The following PRKCZ variants were observed in gnomAD, a reference collection of about 807,000 sequenced individuals.
PRKCZ encodes the protein protein kinase C zeta type.
In PRKCZ, 33 loss-of-function variants were observed where a neutral mutation model predicts 79.5. The ratio of observed to expected loss-of-function variants is 0.41; its 90% confidence interval spans 0.31 to 0.55. The LOEUF (loss-of-function observed/expected upper bound fraction) is 0.55, where lower values mean the gene tolerates loss of function less well. Ranked by LOEUF, PRKCZ falls within the 20% of genes least tolerant of loss-of-function variation. PRKCZ has a pLI of 0.19. For synonymous variants in PRKCZ, 342 were observed against 320.9 expected (o/e 1.07, Z -0.70); for missense variants, 578 against 813.5 (o/e 0.71, Z 3.52).
At chr1:2,103,618 G>A (rs965731473) in intron 4 of PRKCZ, among the ~76,000 whole-genome samples, 1 of 152,218 alleles carries the variant, frequency 6.6e-6, no homozygotes, top group African/African-American at 2.4e-5. Flanking sequence ...ACGGTGGCGC[G>A]TGTCTGTAGG....
At chr1:2,130,392 C>T (rs1674724352) in intron 4 of PRKCZ, among the ~76,000 whole-genome samples, 1 of 152,114 alleles carries the variant, frequency 6.6e-6, no homozygotes, top group African/African-American at 2.4e-5. Flanking sequence ...GCCAGGGGCT[C>T]CTGGCGTGCC....
Position 2,173,873 on chromosome 1 carries a change from T to C in PRKCZ, c.1286-24T>C. On this transcript the variant is annotated intron_variant, in intron 13 of 17. Transcript: ENST00000378567. The surrounding 1 kb of genome is among the most constrained non-coding windows in gnomAD (Gnocchi z 5.7). ...TGCCGGCCCATGTGGCCCCACTCGG[T>C]GATGGCTGTGTGCTCTCCCCCAGGG... is the stretch of plus-strand genomic sequence containing the variant. 1 of 1,564,310 alleles carries C rather than the reference T, an allele frequency of 6.4e-7. No individual in the cohort carries two copies. Among genetic ancestry groups the C allele is most frequent in the South Asian group, 1.2e-5 (1 of 85,636 alleles).
intron 1 of PRKCZ, among the ~76,000 whole-genome samples, chr1:2,051,480 G>T (rs746358776): frequency 6.6e-6 from 1 of 152,242 alleles, no homozygotes; most frequent in Non-Finnish European, 1.5e-5. Flanking sequence ...ACCTGTGCGC[G>T]TCTCCAGGAG....
intron 4 of PRKCZ, among the ~76,000 whole-genome samples, chr1:2,118,754 T>TGTGTGTGTGTGA (rs1440503754): frequency 7.4e-6 from 1 of 135,964 alleles, no homozygotes; most frequent in East Asian, 2.0e-4. Flanking sequence ...TGTGTGTGTG[T>TGTGTGTGTGTGA]GAGATGAGGG....
intron 5 of PRKCZ, among the ~76,000 whole-genome samples, chr1:2,139,792 C>G (rs1174537052): frequency 6.6e-6 from 1 of 152,206 alleles, no homozygotes; most frequent in Non-Finnish European, 1.5e-5. Flanking sequence ...TGGGGAAGAT[C>G]AGCTCAGCAT....
chr1:2,116,518 G>A (rs1024559364), intron 4 of PRKCZ, among the ~76,000 whole-genome samples: 1 of 152,082 alleles, frequency 6.6e-6, no homozygotes, highest in South Asian at 2.1e-4. Context: ...GTCACTCCGC[G>A]GCTCGCCTTC....
At position 2,080,324 on chromosome 1, in the gene PRKCZ, C is replaced by T. The variant is rs535606413; in HGVS notation, c.334+20733C>T. On this transcript the variant is annotated intron_variant, in intron 4 of 17. Coordinates refer to ENST00000378567, the MANE Select transcript of PRKCZ (RefSeq NM_002744.6). ...GTTGGAGAAGGTCTTTAGGTAGGGG[C>T]AGTGCGCGTGGACGTGGCGGTGCGC... Among the ~76,000 whole-genome samples, 8 of 152,320 alleles carry T rather than the reference C, an allele frequency of 5.3e-5. No individual in the cohort carries two copies. In the East Asian group the frequency reaches 1.5e-3, roughly 29 times the overall value.
chr1:2,180,750 T>C (rs534097930), intron 16 of PRKCZ, among the ~76,000 whole-genome samples: 1 of 152,300 alleles, frequency 6.6e-6, no homozygotes, highest in African/African-American at 2.4e-5. Context: ...CCCAGGGCTC[T>C]CTGGGCGTTT....
intron 4 of PRKCZ, among the ~76,000 whole-genome samples, chr1:2,111,133 G>T (rs1669666763): frequency 6.6e-6 from 1 of 152,112 alleles, no homozygotes; most frequent in South Asian, 2.1e-4. Context: ...AGGCGAGGAG[G>T]AGCCGAGGTG....
rs1433601010 is a variant in PRKCZ, at chr1:2,172,535, C to T, written c.1285+147C>T. 1.0e-5 allele frequency: 10 copies of T among 962,902 alleles called. No homozygotes were observed. The East Asian group carries it at 2.7e-4, about 26-fold the overall frequency. The allele number at this position is 962,902 out of a possible 1,614,324, so 59.6% of individuals were successfully genotyped here. ...TTCCCAGCCGGATGTCATCATCTGG[C>T]CTCAGCCCCTTATTTGAATTCTGGA... On this transcript the variant is annotated intron_variant, in intron 13 of 17. Coordinates refer to ENST00000378567, the MANE Select transcript of PRKCZ (RefSeq NM_002744.6). The surrounding 1 kb of genome is among the most constrained non-coding windows in gnomAD (Gnocchi z 7.8).
intron 4 of PRKCZ, among the ~76,000 whole-genome samples, chr1:2,102,621 CGT>C (rs1557563179): frequency 6.6e-6 from 1 of 152,162 alleles, no homozygotes; most frequent in Non-Finnish European, 1.5e-5. Context: ...TGTGAGCCAC[CGT>C]GCCCGGCCCT....
chr1:2,155,265 A>G (rs1172123737), intron 9 of PRKCZ, among the ~76,000 whole-genome samples: 2 of 148,348 alleles, frequency 1.3e-5, no homozygotes, highest in Non-Finnish European at 3.0e-5. Context: ...GACATTGAGG[A>G]TGACGGTGGT....
rs771211564 is a variant in PRKCZ, at chr1:2,174,739, GC to G, written c.1406-14del. 6.2e-7 allele frequency: 1 copy of G among 1,613,192 alleles called. No individual in the cohort carries two copies. The highest frequency in any genetic ancestry group is 1.1e-5 in the South Asian group (1 of 91,056). On this transcript the variant is annotated splice_polypyrimidine_tract_variant and intron_variant, in intron 14 of 17. Transcript: ENST00000378567. This position sits in a 1 kb window ranked among gnomAD's most constrained non-coding sequence, Gnocchi z 6.2. ...CACAACACAGGCAAGTCCTCACCAGGCTCCGCCCTTGCAGTGATCCTGGAGA... is the reference window on the plus strand; with the variant it reads ...CACAACACAGGCAAGTCCTCACCAGGTCCGCCCTTGCAGTGATCCTGGAGA...
intron 4 of PRKCZ, among the ~76,000 whole-genome samples, chr1:2,064,301 C>G (rs1270778998): frequency 1.3e-5 from 2 of 152,180 alleles, no homozygotes; most frequent in African/African-American, 4.8e-5. Context: ...CAAATATCTT[C>G]TCCTGCTTTG....
At chr1:2,120,108 A>C (rs1671558925) in intron 4 of PRKCZ, among the ~76,000 whole-genome samples, 1 of 151,876 alleles carries the variant, frequency 6.6e-6, no homozygotes, top group Non-Finnish European at 1.5e-5. Context: ...TTCCAGCCTC[A>C]CTGCCACCCC....
intron 10 of PRKCZ, among the ~76,000 whole-genome samples, chr1:2,164,126 TATTTAGGA>T (rs1682867623): frequency 6.6e-6 from 1 of 152,220 alleles, no homozygotes; most frequent in Non-Finnish European, 1.5e-5. Context: ...GCTGATATTT[TATTTAGGA>T]TTTTTTTTGG....
intron 1 of PRKCZ, chr1:2,051,083 C>T (rs1248780424): frequency 1.2e-5 from 2 of 169,726 alleles, no homozygotes; most frequent in East Asian, 3.1e-4. Flanking sequence ...GTTTCCTAAA[C>T]GTTCTCCACG....
At chr1:2,180,234 G>A (rs553853251) in intron 16 of PRKCZ, among the ~76,000 whole-genome samples, 101 of 152,328 alleles carry the variant, frequency 6.6e-4, no homozygotes, top group African/African-American at 2.3e-3. Flanking sequence ...GGGGCCTCTA[G>A]CTGGAGCCTT....
intron 4 of PRKCZ, among the ~76,000 whole-genome samples, chr1:2,066,345 A>G (rs1319938653): frequency 1.3e-5 from 2 of 151,664 alleles, no homozygotes; most frequent in African/African-American, 4.8e-5. Context: ...CTTTGTTGGG[A>G]GGTTCTCTTT....
Sources: allele counts gnomAD v4.1 joint callset (sites outside exome capture counted in the v4.1 genomes callset), GRCh38; gene constraint gnomAD v4.1.1; non-coding constraint Gnocchi (gnomAD v3.1); transcripts MANE v1.5; gene names NCBI Gene and HGNC (gene_info 2026-07-23, HGNC 2026-07-21).